Variants in GNAL observed in about 807,000 individuals in gnomAD.
The protein encoded by GNAL is G protein subunit alpha L.
A neutral mutation model predicts 55.1 loss-of-function variants in GNAL; 18 were observed. The observed-to-expected ratio is 0.33, with a 90% CI of 0.23 to 0.48. GNAL has a LOEUF of 0.48. Among genes scored for constraint, GNAL ranks in the 20% least tolerant of loss-of-function variants. The probability of loss-of-function intolerance (pLI) is 0.99; values close to 1 mark genes in which losing one functional copy is unlikely to be tolerated. For missense variants in GNAL, 412 were observed against 614.1 expected (o/e 0.67, Z 3.48); for synonymous variants, 253 against 237.0 (o/e 1.07, Z -0.62).
At chr18:11,759,071 G>A (rs1490595382) in intron 4 of GNAL, among the ~76,000 whole-genome samples, 2 of 152,122 alleles carry the variant, frequency 1.3e-5, no homozygotes, top group African/African-American at 2.4e-5. Flanking sequence ...TACTAGGGAG[G>A]CTGAGGCAGG....
chr18:11,763,856 T>G (rs1462474319), intron 4 of GNAL, among the ~76,000 whole-genome samples: 1 of 152,204 alleles, frequency 6.6e-6, no homozygotes, highest in Non-Finnish European at 1.5e-5. Flanking sequence ...TCAGCCGACC[T>G]TTTTTGTCAT....
At chr18:11,716,276 TCCAGAGTTTGTTC>T (rs2031963024) in intron 1 of GNAL, among the ~76,000 whole-genome samples, 1 of 152,178 alleles carries the variant, frequency 6.6e-6, no homozygotes, top group Admixed American at 6.5e-5. Context: ...AGGCGGCATG[TCCAGAGTTTGTTC>T]CTTCTGACGT....
intron 1 of GNAL, among the ~76,000 whole-genome samples, chr18:11,727,300 C>T (rs1313659071): frequency 1.3e-5 from 2 of 152,222 alleles, no homozygotes; most frequent in East Asian, 1.9e-4. Context: ...CCCACACTTT[C>T]CCACCTGCCT....
chr18:11,779,582 C>G (rs889501378), intron 4 of GNAL, among the ~76,000 whole-genome samples: 3 of 152,144 alleles, frequency 2.0e-5, no homozygotes, highest in Admixed American at 6.5e-5. Flanking sequence ...GCTTGACCAT[C>G]CTACAAACAA....
At chr18:11,775,694 G>T (rs554219547) in intron 4 of GNAL, among the ~76,000 whole-genome samples, 1 of 152,358 alleles carries the variant, frequency 6.6e-6, no homozygotes, top group East Asian at 1.9e-4. Flanking sequence ...GGCATTCTGT[G>T]TGGGGGCAAA....
At chr18:11,762,894 A>G (rs750140704) in intron 4 of GNAL, among the ~76,000 whole-genome samples, 56 of 152,206 alleles carry the variant, frequency 3.7e-4, no homozygotes, top group Non-Finnish European at 7.5e-4. Context: ...CAGGTCTCAC[A>G]TGGCTTATGT....
chr18:11,864,902 G>A (rs1280208806), intron 7 of GNAL, among the ~76,000 whole-genome samples: 1 of 152,132 alleles, frequency 6.6e-6, no homozygotes, highest in East Asian at 1.9e-4. Flanking sequence ...CAGATGCACA[G>A]TCACAGGTTG....
chr18:11,810,786 C>T (rs1303031823), intron 4 of GNAL: 1 of 152,380 alleles, frequency 6.6e-6, no homozygotes, highest in Non-Finnish European at 1.5e-5. Flanking sequence ...TCTGTTCCAT[C>T]CACGCTGGCT....
In GNAL at chr18:11,815,349, G is replaced by GT. The variant is rs2034927617; in HGVS notation, c.625-9566dup. 3.0e-5 allele frequency among the ~76,000 whole-genome samples: 3 copies of GT among 99,882 alleles called. No individual in the cohort carries two copies. In the South Asian group the frequency reaches 9.6e-4, roughly 32 times the overall value. The allele number at this position is 99,882 out of a possible 152,430, so 65.5% of individuals were successfully genotyped here. On this transcript the variant is annotated intron_variant, in intron 4 of 11. Coordinates refer to ENST00000334049, the MANE Select transcript of GNAL (RefSeq NM_182978.4). ...ACTGTGTAATTTATGAAGAAAAGAG[G>GT]TTTAATTGACTCATAGTTCTGCAGG...
At chr18:11,723,217 T>C (rs2143411297) in intron 1 of GNAL, among the ~76,000 whole-genome samples, 1 of 152,314 alleles carries the variant, frequency 6.6e-6, no homozygotes, top group East Asian at 1.9e-4. Context: ...TTGTAGTCTG[T>C]ACAACATGAA....
rs1213864633 is a variant in GNAL at position 11,769,045 on chromosome 18, AAT to A, written c.624+15108_624+15109del. Among the ~76,000 whole-genome samples, 23 of 106,332 alleles carry A rather than the reference AAT, an allele frequency of 2.2e-4. 1 individual carries two copies. In the South Asian group the frequency reaches 3.7e-3, roughly 17 times the overall value. The allele number at this position is 106,332 out of a possible 152,430, so 69.8% of individuals were successfully genotyped here. ...TTATAATATATTATATATAATATAT[AAT>A]ATATATAATATATATTATAATATAG... On this transcript the variant is annotated intron_variant, in intron 4 of 11. Transcript: ENST00000334049.
At chr18:11,717,945 G>GA (rs1362882585) in intron 1 of GNAL, among the ~76,000 whole-genome samples, 2 of 151,422 alleles carry the variant, frequency 1.3e-5, no homozygotes, top group African/African-American at 4.8e-5. Flanking sequence ...AAAATGTTAA[G>GA]AAAAAAAAGA....
chr18:11,733,311 C>T (rs895124658), intron 1 of GNAL, among the ~76,000 whole-genome samples: 4 of 152,212 alleles, frequency 2.6e-5, no homozygotes, highest in African/African-American at 9.6e-5. Flanking sequence ...TGAGCTGTTT[C>T]CCTCTGCTCA....
intron 4 of GNAL, among the ~76,000 whole-genome samples, chr18:11,787,888 G>T (rs935846379): frequency 6.9e-6 from 1 of 144,820 alleles, no homozygotes; most frequent in African/African-American, 2.6e-5. Context: ...AAAAAAAAAA[G>T]GAAATATCTG....
intron 5 of GNAL, among the ~76,000 whole-genome samples, chr18:11,861,312 T>TC (rs1416095479): frequency 2.0e-5 from 3 of 152,058 alleles, no homozygotes; most frequent in Non-Finnish European, 4.4e-5. Flanking sequence ...TCCAGAATTG[T>TC]CCCCTGCTTG....
intron 4 of GNAL, among the ~76,000 whole-genome samples, chr18:11,818,212 C>T (rs111431687): frequency 0.065 from 9,918 of 152,018 alleles, 480 homozygotes; most frequent in African/African-American, 0.13. Context: ...TCAGGATGGA[C>T]AGAAATTATA....
chr18:11,851,871 C>T, intron 5 of GNAL: 1 of 1,613,938 alleles, frequency 6.2e-7, no homozygotes, highest in Non-Finnish European at 8.5e-7. Context: ...AATTCGAGCA[C>T]CAGTTTGAGA....
intron 1 of GNAL, among the ~76,000 whole-genome samples, chr18:11,738,074 A>G (rs567291240): frequency 6.6e-6 from 1 of 152,326 alleles, no homozygotes; most frequent in East Asian, 1.9e-4. Flanking sequence ...ACCTGCTGGT[A>G]GCTCATCACT....
intron 5 of GNAL, among the ~76,000 whole-genome samples, chr18:11,825,218 A>G (rs926717218): frequency 1.3e-5 from 2 of 152,216 alleles, no homozygotes; most frequent in Non-Finnish European, 1.5e-5. Flanking sequence ...TCTGAGAACC[A>G]GAAAGTTTCG....
Sources: allele counts gnomAD v4.1 joint callset (sites outside exome capture counted in the v4.1 genomes callset), GRCh38; gene constraint gnomAD v4.1.1; transcripts MANE v1.5; gene names NCBI Gene and HGNC (gene_info 2026-07-23, HGNC 2026-07-21).